Variants in DLC1 observed in about 807,000 individuals in gnomAD.
DLC1 encodes rho GTPase-activating protein 7.
DLC1 carries 54 observed loss-of-function variants against 140.3 expected under a neutral mutation model. The ratio of observed to expected loss-of-function variants is 0.38; its 90% CI spans 0.31 to 0.48. The LOEUF (loss-of-function observed/expected upper bound fraction) is 0.48, where lower values mean the gene tolerates loss of function less well. Ranked by LOEUF, DLC1 falls within the 20% of genes least tolerant of loss-of-function variation. The pLI, the probability that DLC1 is intolerant of heterozygous loss-of-function variation, is 0.96. For missense variants in DLC1, 2,536 were observed against 1,907.0 expected, an observed-to-expected ratio of 1.33 and a Z score of -6.14; for synonymous variants, 986 against 728.1, an observed-to-expected ratio of 1.35 and a Z score of -5.70.
At chr8:13,474,290 G>A (rs1278962609) in intron 2 of DLC1, among the ~76,000 whole-genome samples, 1 of 152,152 alleles carries the variant, frequency 6.6e-6, no homozygotes, top group Non-Finnish European at 1.5e-5. Context: ...TGAGTCTGTG[G>A]GTGTGCAGAA....
intron 1 of DLC1, among the ~76,000 whole-genome samples, chr8:13,556,853 T>A (rs71522352): frequency 1.3e-5 from 2 of 152,188 alleles, no homozygotes; most frequent in African/African-American, 4.8e-5. Context: ...ATTTAATTCA[T>A]TTATTATTTT....
chr8:13,163,317 C>G (rs757729311), intron 5 of DLC1, among the ~76,000 whole-genome samples: 27 of 152,112 alleles, frequency 1.8e-4, no homozygotes, highest in Admixed American at 3.3e-4. Flanking sequence ...CTCAGCTGAT[C>G]AAAGTTGGGA....
intron 2 of DLC1, among the ~76,000 whole-genome samples, chr8:13,427,256 G>T (rs1356629021): frequency 6.6e-6 from 1 of 152,076 alleles, no homozygotes; most frequent in African/African-American, 2.4e-5. Flanking sequence ...ATGCCTCCAA[G>T]ATTTTCCCAC....
intron 10 of DLC1, among the ~76,000 whole-genome samples, chr8:13,096,904 A>G (rs868352459): frequency 6.6e-6 from 1 of 152,310 alleles, no homozygotes; most frequent in Middle Eastern, 3.4e-3. Context: ...GAAAAGACTT[A>G]AGGATTCCCA....
intron 4 of DLC1, among the ~76,000 whole-genome samples, chr8:13,347,056 A>T (rs1834372664): frequency 6.6e-6 from 1 of 152,206 alleles, no homozygotes; most frequent in Non-Finnish European, 1.5e-5. Flanking sequence ...CCTAATTATA[A>T]ACTAAACTTT....
intron 4 of DLC1, among the ~76,000 whole-genome samples, chr8:13,373,571 C>T (rs889755863): frequency 2.0e-5 from 3 of 152,082 alleles, no homozygotes; most frequent in Non-Finnish European, 4.4e-5. Flanking sequence ...AACAGTTTGC[C>T]ATAGGATTTA....
At chr8:13,139,834 T>A (rs563171038) in intron 5 of DLC1, among the ~76,000 whole-genome samples, 2 of 152,380 alleles carry the variant, frequency 1.3e-5, no homozygotes, top group East Asian at 3.9e-4. Context: ...GATCACTTTT[T>A]ATTTCATAAA....
chr8:13,158,494 G>A (rs755486806), intron 5 of DLC1, among the ~76,000 whole-genome samples: 3 of 152,130 alleles, frequency 2.0e-5, no homozygotes, highest in Non-Finnish European at 4.4e-5. Context: ...CAAGGCTGGC[G>A]AGAGGTTCTG....
rs538357200 is a variant in DLC1, at chr8:13,161,967, C to T, written c.1349-46310G>A. On this transcript the variant is annotated intron_variant, in intron 5 of 17. Transcript: ENST00000276297. ...AGAGGCTTTTGTGATAAATAAAACA[C>T]AAAGTAATTTCAAAATGTACCAAAT... Among the ~76,000 whole-genome samples the T allele has an allele frequency of 2.6e-5, 4 of 152,238 alleles. No individual in the cohort carries two copies. In the East Asian group the frequency reaches 7.7e-4, roughly 29 times the overall value.
At chr8:13,269,648 G>A (rs931359685) in intron 5 of DLC1, among the ~76,000 whole-genome samples, 1 of 139,524 alleles carries the variant, frequency 7.2e-6, no homozygotes, top group African/African-American at 2.8e-5. Flanking sequence ...AGGCTGCATT[G>A]AGCTATGATG....
At chr8:13,375,217 C>T (rs1369344949) in intron 4 of DLC1, among the ~76,000 whole-genome samples, 1 of 151,920 alleles carries the variant, frequency 6.6e-6, no homozygotes, top group Non-Finnish European at 1.5e-5. Flanking sequence ...TTAGTAGAGA[C>T]GGGGTTTCAC....
chr8:13,174,290 T>C (rs1260876923), intron 5 of DLC1, among the ~76,000 whole-genome samples: 2 of 152,234 alleles, frequency 1.3e-5, no homozygotes, highest in African/African-American at 2.4e-5. Flanking sequence ...GTTGATTCTA[T>C]GTCTTTGCTG....
At chr8:13,307,479 C>A (rs1170618086) in intron 4 of DLC1, among the ~76,000 whole-genome samples, 1 of 152,216 alleles carries the variant, frequency 6.6e-6, no homozygotes, top group Non-Finnish European at 1.5e-5. Context: ...TCCCTTAAAA[C>A]ATATTTAAAA....
chr8:13,152,118 A>T (rs1157566494), intron 5 of DLC1, among the ~76,000 whole-genome samples: 2 of 152,204 alleles, frequency 1.3e-5, no homozygotes, highest in Non-Finnish European at 2.9e-5. Flanking sequence ...TGAGTGCACA[A>T]CTGTACTTGT....
chr8:13,537,525 A>C (rs1803323501), intron 1 of DLC1, among the ~76,000 whole-genome samples: 1 of 152,170 alleles, frequency 6.6e-6, no homozygotes, highest in Non-Finnish European at 1.5e-5. Flanking sequence ...GTAAAAGCTG[A>C]CATGGGCTAC....
intron 5 of DLC1, among the ~76,000 whole-genome samples, chr8:13,228,413 CT>C (rs1213818546): frequency 6.6e-6 from 1 of 151,804 alleles, no homozygotes; most frequent in African/African-American, 2.4e-5. Flanking sequence ...ATAATAAACT[CT>C]CATAACTCAA....
intron 4 of DLC1, among the ~76,000 whole-genome samples, chr8:13,381,971 A>T (rs893188778): frequency 2.6e-5 from 4 of 152,172 alleles, no homozygotes; most frequent in Non-Finnish European, 4.4e-5. Flanking sequence ...AAAGGACATC[A>T]AACATACTGT....
At chr8:13,264,767 GA>G (rs1023384245) in intron 5 of DLC1, among the ~76,000 whole-genome samples, 5 of 152,092 alleles carry the variant, frequency 3.3e-5, no homozygotes, top group Non-Finnish European at 5.9e-5. Flanking sequence ...GATATTTTTT[GA>G]GAAAAGATTT....
chr8:13,459,296 C>G (rs956601267), intron 2 of DLC1, among the ~76,000 whole-genome samples: 1 of 152,076 alleles, frequency 6.6e-6, no homozygotes, highest in African/African-American at 2.4e-5. Flanking sequence ...TTCTCTGGGA[C>G]AGGAAGTGGA....
Sources: gnomAD v4.1 joint callset for allele counts (sites outside exome capture counted in the v4.1 genomes callset) on GRCh38, gnomAD v4.1.1 for gene constraint, MANE v1.5 for transcripts, NCBI Gene and HGNC (gene_info 2026-07-23, HGNC 2026-07-21) for gene names.